Variants in NAV3 observed in about 807,000 individuals in gnomAD.
NAV3 encodes the protein pore membrane and/or filament interacting like protein 1.
A neutral mutation model predicts 244.7 loss-of-function variants in NAV3; 87 were observed. The observed-to-expected ratio is 0.36, with a 90% CI of 0.30 to 0.42. The LOEUF (loss-of-function observed/expected upper bound fraction) is 0.42. Among genes scored for constraint, NAV3 ranks in the 20% least tolerant of loss-of-function variants. The probability of loss-of-function intolerance (pLI) is 1.00; values close to 1 mark genes in which losing one functional copy is unlikely to be tolerated. For synonymous variants in NAV3, 1,126 were observed against 1,042.2 expected (o/e 1.08, Z -1.55); for missense variants, 2,663 against 2,893.3 (o/e 0.92, Z 1.83).
At chr12:77,943,175 T>C (rs1890037230) in intron 3 of NAV3, among the ~76,000 whole-genome samples, 1 of 152,102 alleles carries the variant, frequency 6.6e-6, no homozygotes, top group Non-Finnish European at 1.5e-5. Context: ...CTGTGAAGAG[T>C]CTCTTGAGTT....
In NAV3 at chr12:78,203,869, C is replaced by T. The variant is rs1385957665; in HGVS notation, c.6835-1066C>T. Among the ~76,000 whole-genome samples the T allele has an allele frequency of 4.4e-5, 6 of 137,684 alleles. No individual in the cohort carries two copies. In the South Asian group the frequency reaches 1.2e-3, roughly 26 times the overall value. The allele number at this position is 137,684 out of a possible 152,430, so 90.3% of individuals were successfully genotyped here. A position where few individuals can be genotyped will look rare whatever the true frequency, so the allele number is the denominator to read the frequency against. ...TTTTTTTTTTTCACAATGTCTCATT[C>T]TTCTCTTCAGGCTGCCCTTTCTAGT... On this transcript the variant is annotated intron_variant, in intron 38 of 39. Coordinates refer to ENST00000397909, the MANE Select transcript of NAV3 (RefSeq NM_001024383.2).
intron 2 of NAV3, among the ~76,000 whole-genome samples, chr12:77,649,299 T>G (rs988068442): frequency 2.0e-5 from 3 of 152,140 alleles, no homozygotes; most frequent in Non-Finnish European, 2.9e-5. Context: ...GTTCACAGTC[T>G]TATAGTATTT....
intron 1 of NAV3, among the ~76,000 whole-genome samples, chr12:77,933,732 G>T (rs1889052750): frequency 6.6e-6 from 1 of 152,136 alleles, no homozygotes; most frequent in Admixed American, 6.5e-5. Flanking sequence ...GAGATTTCTA[G>T]AAGGCCTACA....
At chr12:78,135,165 C>G (rs1352108577) in intron 18 of NAV3, among the ~76,000 whole-genome samples, 2 of 152,200 alleles carry the variant, frequency 1.3e-5, no homozygotes, top group Non-Finnish European at 2.9e-5. Context: ...TTGTCTTCTA[C>G]TGTATAGTTT....
chr12:78,069,362 G>A (rs1952636975), intron 12 of NAV3, among the ~76,000 whole-genome samples: 1 of 151,898 alleles, frequency 6.6e-6, no homozygotes, highest in Admixed American at 6.6e-5. Context: ...ATACAAAAGT[G>A]TGAAGAAGAA....
At chr12:77,682,852 T>C (rs1225592280) in intron 2 of NAV3, among the ~76,000 whole-genome samples, 4 of 152,138 alleles carry the variant, frequency 2.6e-5, no homozygotes, top group African/African-American at 9.7e-5. Flanking sequence ...TTAATTGTAT[T>C]ATTTGTTTTG....
intron 1 of NAV3, among the ~76,000 whole-genome samples, chr12:77,931,295 T>C (rs192762196): frequency 6.6e-6 from 1 of 152,210 alleles, no homozygotes; most frequent in African/African-American, 2.4e-5. Context: ...TTCAAATATA[T>C]GTGTGTGTAT....
At chr12:77,817,754 T>C (rs1236530348) in intron 2 of NAV3, among the ~76,000 whole-genome samples, 2 of 152,204 alleles carry the variant, frequency 1.3e-5, no homozygotes, top group Non-Finnish European at 2.9e-5. Context: ...GTAAGATAGC[T>C]CTTAACACCC....
chr12:78,160,146 A>G (rs1001796747), intron 23 of NAV3, among the ~76,000 whole-genome samples: 1 of 152,192 alleles, frequency 6.6e-6, no homozygotes, highest in East Asian at 1.9e-4. Flanking sequence ...TTATATCAAA[A>G]TACTTAAAAT....
intron 11 of NAV3, among the ~76,000 whole-genome samples, chr12:78,058,195 G>A (rs561601239): frequency 6.6e-6 from 1 of 151,994 alleles, no homozygotes; most frequent in South Asian, 2.1e-4. Context: ...TTCTCACTCT[G>A]CTAATAAAGA....
At chr12:78,066,640 A>G (rs1885052105) in intron 12 of NAV3, among the ~76,000 whole-genome samples, 1 of 152,158 alleles carries the variant, frequency 6.6e-6, no homozygotes, top group Non-Finnish European at 1.5e-5. Flanking sequence ...TGCTAATTTT[A>G]ATTATAAACT....
At chr12:77,660,168 A>G (rs978371979) in intron 2 of NAV3, among the ~76,000 whole-genome samples, 2 of 152,200 alleles carry the variant, frequency 1.3e-5, no homozygotes, top group East Asian at 1.9e-4. Context: ...TTAAATATAT[A>G]AAATTAATGT....
At chr12:77,927,539 C>G (rs557100506) in intron 1 of NAV3, among the ~76,000 whole-genome samples, 1 of 152,256 alleles carries the variant, frequency 6.6e-6, no homozygotes, top group East Asian at 1.9e-4. Flanking sequence ...TCTTAGGGAG[C>G]TTTAAGGATT....
At chr12:78,020,107 C>G (rs969948222) in intron 8 of NAV3, among the ~76,000 whole-genome samples, 19 of 152,068 alleles carry the variant, frequency 1.2e-4, no homozygotes, top group African/African-American at 4.1e-4. Flanking sequence ...TGCTGAACTC[C>G]CGCTTCTGCT....
chr12:77,763,084 A>T (rs1430786167), intron 2 of NAV3, among the ~76,000 whole-genome samples: 4 of 152,186 alleles, frequency 2.6e-5, no homozygotes, highest in Non-Finnish European at 5.9e-5. Context: ...GTGCTGTAAT[A>T]TCTGCCTTCA....
At chr12:78,095,061 A>ATG (rs1218177370) in intron 12 of NAV3, among the ~76,000 whole-genome samples, 3 of 111,858 alleles carry the variant, frequency 2.7e-5, no homozygotes, top group African/African-American at 8.5e-5. Flanking sequence ...ATATATATAT[A>ATG]TATACACACA....
At chr12:77,883,619 A>G in intron 1 of NAV3, among the ~76,000 whole-genome samples, 1 of 152,150 alleles carries the variant, frequency 6.6e-6, no homozygotes, top group East Asian at 1.9e-4. Flanking sequence ...AGAAAAAGCC[A>G]TTTTCTTCTA....
chr12:77,644,582 A>G (rs1276944446), intron 2 of NAV3, among the ~76,000 whole-genome samples: 1 of 152,098 alleles, frequency 6.6e-6, no homozygotes, highest in Non-Finnish European at 1.5e-5. Context: ...ACTTTTGACG[A>G]TAAAGCTCTT....
chr12:78,117,042 C>G (rs917096717), intron 13 of NAV3, 138 bp downstream of exon 13: 3 of 954,562 alleles, frequency 3.1e-6, no homozygotes, highest in Non-Finnish European at 4.5e-6. Flanking sequence ...ATAATAAGGA[C>G]TCCCTTTGCC....
Sources: gnomAD v4.1 joint callset for allele counts (sites outside exome capture counted in the v4.1 genomes callset) on GRCh38, gnomAD v4.1.1 for gene constraint, MANE v1.5 for transcripts, NCBI Gene and HGNC (gene_info 2026-07-23, HGNC 2026-07-21) for gene names.